MTREX: variants seen among roughly 807,000 people sequenced by gnomAD.
MTREX encodes exosome RNA helicase MTR4.
A neutral mutation model predicts 135.4 loss-of-function variants in MTREX; 76 were observed. The ratio of observed to expected loss-of-function variants is 0.56; its 90% CI spans 0.47 to 0.68. MTREX has a LOEUF of 0.68. Ranked by LOEUF, MTREX falls within the 30% of genes least tolerant of loss-of-function variation. MTREX has a pLI of 0.00. For synonymous variants in MTREX, 404 were observed against 401.6 expected (o/e 1.01, Z -0.07); for missense variants, 920 against 1,262.1 (o/e 0.73, Z 4.11).
At position 55,308,100 on chromosome 5, in the gene MTREX, G is replaced by A. The variant is rs1748994737; in HGVS notation, c.87G>A (p.Lys29=). Residue 29 remains lysine, a synonymous_variant, in exon 1 of 27, where the codon AAG becomes AAA. Transcript: ENST00000230640. ...TAAGTKKDKE[K]DKGKWKGPPG... ...CGGGAACCAAAAAAGACAAGGAAAA[G>A]GACAAGGGGAAATGGAAGGGGCCTC... 1.2e-5 allele frequency: 19 copies of A among 1,613,854 alleles called. No homozygotes were observed. Among genetic ancestry groups the A allele is most frequent in the East Asian group, 2.2e-5 (1 of 44,824 alleles).
chr5:55,350,096 T>G (rs2112068659), intron 12 of MTREX, among the ~76,000 whole-genome samples: 2 of 152,350 alleles, frequency 1.3e-5, no homozygotes, highest in East Asian at 3.9e-4. Context: ...ATGCTGATGC[T>G]TTTGTGCCAC....
chr5:55,323,027 C>A (rs1468854160), intron 2 of MTREX, among the ~76,000 whole-genome samples: 1 of 152,140 alleles, frequency 6.6e-6, no homozygotes, highest in African/African-American at 2.4e-5. Context: ...CTTTGCTCCT[C>A]CCTTCTAATG....
At chr5:55,378,917 TC>T (rs1750349338) in intron 17 of MTREX, among the ~76,000 whole-genome samples, 1 of 152,228 alleles carries the variant, frequency 6.6e-6, no homozygotes, top group Non-Finnish European at 1.5e-5. Flanking sequence ...GTTATTGCTG[TC>T]CTAGGGGCAA....
chr5:55,392,010 C>T (rs1272647641), intron 19 of MTREX, among the ~76,000 whole-genome samples: 2 of 151,926 alleles, frequency 1.3e-5, no homozygotes, highest in Non-Finnish European at 2.9e-5. Flanking sequence ...TCTGGTCTTA[C>T]TGCAGCAGGC....
chr5:55,312,062 T>G (rs1183947664), intron 1 of MTREX, among the ~76,000 whole-genome samples: 1 of 152,200 alleles, frequency 6.6e-6, no homozygotes, highest in Non-Finnish European at 1.5e-5. Flanking sequence ...CCCTGATTCC[T>G]CATCAACCTT....
chr5:55,386,781 C>T (rs750635583), intron 18 of MTREX, among the ~76,000 whole-genome samples: 18 of 152,042 alleles, frequency 1.2e-4, no homozygotes, highest in Non-Finnish European at 1.6e-4. Flanking sequence ...TGTCCAGATA[C>T]TCACATCTTC....
chr5:55,342,875 G>A (rs560924202), intron 7 of MTREX, among the ~76,000 whole-genome samples: 20 of 152,218 alleles, frequency 1.3e-4, no homozygotes, highest in Admixed American at 8.5e-4. Flanking sequence ...AATGACTTAC[G>A]GTTTTATCTT....
chr5:55,405,962 A>G (rs1750798567), intron 22 of MTREX, among the ~76,000 whole-genome samples: 1 of 152,160 alleles, frequency 6.6e-6, no homozygotes. Context: ...ATCTTAGCTT[A>G]TATATAATTT....
rs201611017 is a variant in MTREX, at chr5:55,414,244, GTTT to G, written c.2808+22_2808+24del. The G allele has an allele frequency of 1.5e-3, 2,002 of 1,328,286 alleles. No homozygotes were observed. The highest frequency in any genetic ancestry group is 4.3e-3 in the South Asian group (268 of 62,958). 82.3% of individuals were successfully genotyped at this position (1,328,286 alleles called of 1,614,324 possible). A position where few individuals can be genotyped will look rare whatever the true frequency, so the allele number is the denominator to read the frequency against. On this transcript the variant is annotated splice_region_variant and intron_variant, in intron 24 of 26. Coordinates refer to ENST00000230640, the MANE Select transcript of MTREX (RefSeq NM_015360.5). ...GACCACTTCGTCAAATGCAGGTAAG[GTTT>G]TTTTTTTTTTTTTTTGAACTACATA...
At chr5:55,373,120 C>CT (rs541949136) in intron 16 of MTREX, among the ~76,000 whole-genome samples, 2,308 of 134,490 alleles carry the variant, frequency 0.017, 22 homozygotes, top group African/African-American at 0.021. Context: ...ATTTTTATTT[C>CT]TTTTTTTTTT....
At position 55,425,343 on chromosome 5, in the gene MTREX, C is replaced by T. The variant is rs751889324; in HGVS notation, c.*571C>T. ...TCCGATACATATACAGCCTACAGTG[C>T]AAAATATTTAATGGTATAATTTAGA... On this transcript the variant is annotated 3_prime_UTR_variant, in exon 27 of 27. Coordinates refer to ENST00000230640, the MANE Select transcript of MTREX (RefSeq NM_015360.5). 2 of 1,584,244 alleles carry T rather than the reference C, an allele frequency of 1.3e-6. No homozygotes were observed. The highest frequency in any genetic ancestry group is 2.3e-5 in the South Asian group (2 of 88,768).
rs1751146715 is a variant in MTREX, at chr5:55,425,263, T to C, written c.*491T>C. On this transcript the variant is annotated 3_prime_UTR_variant, in exon 27 of 27. Coordinates refer to ENST00000230640, the MANE Select transcript of MTREX (RefSeq NM_015360.5). Reference sequence around the variant, plus strand: ...CAGTTGTTGGTGTTTCATGCAGAGTTGTATGAGAGTCCTCCTCTTTTCTTT... The same window carrying C: ...CAGTTGTTGGTGTTTCATGCAGAGTCGTATGAGAGTCCTCCTCTTTTCTTT... 6.2e-7 allele frequency: 1 copy of C among 1,613,228 alleles called. No individual in the cohort carries two copies. The highest frequency in any genetic ancestry group is 8.5e-7 in the Non-Finnish European group (1 of 1,179,410).
At chr5:55,356,461 G>A (rs923470589) in intron 14 of MTREX, 2 of 208,054 alleles carry the variant, frequency 9.6e-6, no homozygotes, top group Non-Finnish European at 2.0e-5. Context: ...AGGAGGTTTT[G>A]GGAGATGAAC....
At chr5:55,381,896 C>A (rs1750401642) in intron 18 of MTREX, among the ~76,000 whole-genome samples, 1 of 152,108 alleles carries the variant, frequency 6.6e-6, no homozygotes, top group African/African-American at 2.4e-5. Context: ...CCCTTCATTT[C>A]TATCAGTTTT....
rs769561279 is a variant in MTREX, at chr5:55,422,973, T to C, written c.3067T>C (p.Phe1023Leu). The change falls in exon 26 of 27, where the codon TTT (phenylalanine) becomes CTT (leucine). Residue 1023 changes from phenylalanine to leucine, a missense_variant. Phe to Leu is a conservative substitution (Grantham distance 22). Transcript: ENST00000230640. ...TGGAAACACTGAGCTGGAAAATAAA[T>C]TTGCAGAAGGTCAGTATCAAATGGA... Reference protein sequence around the residue: ...AIGNTELENKFAEGITKIKRD... With the variant: ...AIGNTELENKLAEGITKIKRD... 1.9e-6 allele frequency: 3 copies of C among 1,613,206 alleles called. No individual in the cohort carries two copies. The highest frequency in any genetic ancestry group is 2.7e-5 in the African/African-American group (2 of 74,922).
rs1421757857 is a variant in MTREX at position 55,424,799 on chromosome 5, A to G, written c.*27A>G. ...GTCAGCTAAAGGAATGTGAGATTTT[A>G]AATTATTGACCACCTGTTTGATTAC... On this transcript the variant is annotated 3_prime_UTR_variant, in exon 27 of 27. Coordinates refer to ENST00000230640, the MANE Select transcript of MTREX (RefSeq NM_015360.5). 6.4e-7 allele frequency: 1 copy of G among 1,550,666 alleles called. No homozygotes were observed. Among genetic ancestry groups the G allele is most frequent in the Admixed American group, 1.7e-5 (1 of 59,856 alleles).
intron 19 of MTREX, among the ~76,000 whole-genome samples, chr5:55,392,067 G>A (rs560327731): frequency 4.0e-4 from 61 of 152,216 alleles, no homozygotes; most frequent in African/African-American, 1.3e-3. Context: ...TCTGTAAATC[G>A]GAATTTTCCT....
chr5:55,324,002 CAA>C, intron 2 of MTREX, 128 bp from the exon 3 acceptor site: 1 of 643,912 alleles, frequency 1.6e-6, no homozygotes, highest in Non-Finnish European at 2.8e-6. Flanking sequence ...TCTTAATAGC[CAA>C]AGTTTTTCCT....
intron 8 of MTREX, 107 bp from the exon 9 acceptor site, chr5:55,344,415 A>G: frequency 2.8e-6 from 2 of 713,824 alleles, no homozygotes; most frequent in Non-Finnish European, 4.7e-6. Context: ...TCTTTTTGAA[A>G]TGTTGAATTC....
Sources: allele counts gnomAD v4.1 joint callset (sites outside exome capture counted in the v4.1 genomes callset), GRCh38; gene constraint gnomAD v4.1.1; transcripts MANE v1.5; gene names NCBI Gene and HGNC (gene_info 2026-07-23, HGNC 2026-07-21).